The following NAALADL2 variants were observed in gnomAD, a reference collection of about 807,000 sequenced individuals.
The protein encoded by NAALADL2 is N-acetylated alpha-linked acidic dipeptidase like 2.
A neutral mutation model predicts 87.2 loss-of-function variants in NAALADL2; 76 were observed. The ratio of observed to expected loss-of-function variants is 0.87; its 90% CI spans 0.72 to 1.05. NAALADL2 has a LOEUF of 1.05. Among genes scored for constraint, NAALADL2 ranks in the 50% least tolerant of loss-of-function variants. The pLI is 0.00. For synonymous variants in NAALADL2, 354 were observed against 331.0 expected, an observed-to-expected ratio of 1.07 and a Z score of -0.75; for missense variants, 1,089 against 945.8, an observed-to-expected ratio of 1.15 and a Z score of -1.99.
intron 1 of NAALADL2, among the ~76,000 whole-genome samples, chr3:174,952,091 T>C (rs966080172): frequency 6.6e-6 from 1 of 152,132 alleles, no homozygotes; most frequent in African/African-American, 2.4e-5. Flanking sequence ...AAAATTTTAT[T>C]TGCTACATAC....
At chr3:174,584,152 G>A (rs1264212066) in intron 2 of NAALADL2, among the ~76,000 whole-genome samples, 2 of 152,090 alleles carry the variant, frequency 1.3e-5, no homozygotes, top group Non-Finnish European at 2.9e-5. Context: ...GACTGAGAAA[G>A]AATGACTGGT....
At chr3:175,782,579 T>G (rs1029292408) in intron 13 of NAALADL2, among the ~76,000 whole-genome samples, 9 of 145,506 alleles carry the variant, frequency 6.2e-5, no homozygotes, top group Non-Finnish European at 1.2e-4. Flanking sequence ...TAAATTTGTT[T>G]GAGTCATTGT....
chr3:175,307,613 A>T (rs1439442433), intron 4 of NAALADL2, among the ~76,000 whole-genome samples: 1 of 152,128 alleles, frequency 6.6e-6, no homozygotes, highest in Non-Finnish European at 1.5e-5. Context: ...CAATTCAATT[A>T]TTTTCTTTCT....
chr3:175,319,916 G>T (rs368568123), intron 4 of NAALADL2, among the ~76,000 whole-genome samples: 1 of 152,178 alleles, frequency 6.6e-6, no homozygotes, highest in Non-Finnish European at 1.5e-5. Flanking sequence ...TAAGTGCAAG[G>T]TGTACAATGA....
chr3:175,724,660 C>G (rs1742696195), intron 11 of NAALADL2, among the ~76,000 whole-genome samples: 1 of 152,058 alleles, frequency 6.6e-6, no homozygotes, highest in Non-Finnish European at 1.5e-5. Context: ...TAGGTAGAAG[C>G]AGCAAGTTCA....
In NAALADL2 at chr3:175,534,943, TACA is replaced by T. The variant is rs531192076; in HGVS notation, c.1654-41095_1654-41093del. On this transcript the variant is annotated intron_variant, in intron 9 of 13. Transcript: ENST00000454872. ...ACATATCCTTTAAGGGCTTCGTCCA[TACA>T]ACGAGACCTACTTGTTCAGAAGTCC... Among the ~76,000 whole-genome samples the T allele has an allele frequency of 3.9e-5, 6 of 152,012 alleles. No homozygotes were observed. In the South Asian group the frequency reaches 1.2e-3, roughly 32 times the overall value.
intron 11 of NAALADL2, among the ~76,000 whole-genome samples, chr3:175,694,749 A>G (rs1044314631): frequency 4.6e-5 from 7 of 152,100 alleles, no homozygotes; most frequent in African/African-American, 1.2e-4. Context: ...CTCATTTGCT[A>G]TTATCTCTGA....
chr3:174,605,315 G>A (rs572768212), intron 2 of NAALADL2, among the ~76,000 whole-genome samples: 26 of 152,266 alleles, frequency 1.7e-4, no homozygotes, highest in African/African-American at 4.1e-4. Flanking sequence ...CAGTGGGCGC[G>A]CAGGACAGTG....
At chr3:174,844,114 T>C (rs3905971) in intron 3 of NAALADL2, among the ~76,000 whole-genome samples, 54,761 of 152,038 alleles carry the variant, frequency 0.36, 10,158 homozygotes, top group East Asian at 0.48. Flanking sequence ...GTAAAGCATT[T>C]ACCTATGTTT....
chr3:175,691,087 A>G (rs1736973566), intron 11 of NAALADL2, among the ~76,000 whole-genome samples: 1 of 151,724 alleles, frequency 6.6e-6, no homozygotes. Context: ...ATCAACTGAA[A>G]AAATATTATA....
intron 10 of NAALADL2, among the ~76,000 whole-genome samples, chr3:175,611,378 T>G (rs1054595673): frequency 6.6e-6 from 1 of 152,084 alleles, no homozygotes; most frequent in African/African-American, 2.4e-5. Flanking sequence ...TAAATTTTGT[T>G]AAAAGAAACA....
At chr3:175,404,424 C>T (rs75648281) in intron 5 of NAALADL2, among the ~76,000 whole-genome samples, 183 of 152,228 alleles carry the variant, frequency 1.2e-3, no homozygotes, top group African/African-American at 3.2e-3. Context: ...TATTCCTGAA[C>T]GTCGAATAGC....
At chr3:175,759,138 G>GGTGGCGGGCGCCTGTAGTCCCAGGTA (rs1198680680) in intron 13 of NAALADL2, among the ~76,000 whole-genome samples, 1 of 152,082 alleles carries the variant, frequency 6.6e-6, no homozygotes, top group African/African-American at 2.4e-5. Flanking sequence ...ATTGAACGCT[G>GGTGGCGGGCGCCTGTAGTCCCAGGTA]CTCTGTTGCT....
rs150849154 is a variant in NAALADL2 at position 175,396,919 on chromosome 3, G to C, written c.1091-50310G>C. On this transcript the variant is annotated intron_variant, in intron 5 of 13. Coordinates refer to ENST00000454872, the MANE Select transcript of NAALADL2 (RefSeq NM_207015.3). ...GGCCTCCCCAACCCTGCAGAACTGTGAGTCAATTAAACCTCTTTTCTTTAT... is the reference window on the plus strand; with the variant it reads ...GGCCTCCCCAACCCTGCAGAACTGTCAGTCAATTAAACCTCTTTTCTTTAT... 1.0e-3 allele frequency among the ~76,000 whole-genome samples: 156 copies of C among 152,216 alleles called. 3 individuals carry two copies. The East Asian group carries it at 0.026, about 25-fold the overall frequency.
intron 11 of NAALADL2, among the ~76,000 whole-genome samples, chr3:175,701,410 G>A (rs537414627): frequency 1.3e-5 from 2 of 152,022 alleles, no homozygotes; most frequent in Non-Finnish European, 2.9e-5. Flanking sequence ...ACTTTTATAT[G>A]GGATCTGGCC....
At chr3:175,020,434 T>A (rs953449265) in intron 1 of NAALADL2, among the ~76,000 whole-genome samples, 2 of 152,084 alleles carry the variant, frequency 1.3e-5, no homozygotes, top group African/African-American at 4.8e-5. Context: ...TGAAAATGTA[T>A]CATTGTCTAG....
intron 1 of NAALADL2, among the ~76,000 whole-genome samples, chr3:174,964,219 G>A (rs1472730995): frequency 3.3e-5 from 5 of 151,928 alleles, no homozygotes; most frequent in South Asian, 4.1e-4. Flanking sequence ...TTTACCTAGC[G>A]CTGGTATGGA....
rs141126790 is a variant in NAALADL2, at chr3:175,555,700, A to T, written c.1654-20341A>T. Among the ~76,000 whole-genome samples, 234 of 152,306 alleles carry T rather than the reference A, an allele frequency of 1.5e-3. 2 individuals carry two copies. Among genetic ancestry groups the T allele is most frequent in the African/African-American group, 5.3e-3 (220 of 41,572 alleles). On this transcript the variant is annotated intron_variant, in intron 9 of 13. Coordinates refer to ENST00000454872, the MANE Select transcript of NAALADL2 (RefSeq NM_207015.3). ...ATATATATATACACACACTACACAT[A>T]TATATGTATATAACATAAATATCTC...
intron 13 of NAALADL2, among the ~76,000 whole-genome samples, chr3:175,797,321 AAAT>A (rs1324574948): frequency 2.0e-5 from 3 of 152,298 alleles, no homozygotes; most frequent in East Asian, 1.9e-4. Flanking sequence ...GATTTCAATT[AAAT>A]AATATTTTAA....
Sources: gnomAD v4.1 joint callset for allele counts (sites outside exome capture counted in the v4.1 genomes callset) on GRCh38, gnomAD v4.1.1 for gene constraint, MANE v1.5 for transcripts, NCBI Gene and HGNC (gene_info 2026-07-23, HGNC 2026-07-21) for gene names.